AHI1: variants seen among roughly 807,000 people sequenced by gnomAD.
The protein encoded by AHI1 is Abelson helper integration site 1, also known as jouberin.
In AHI1, 123 loss-of-function variants were observed where a neutral mutation model predicts 149.3. That is an observed-to-expected ratio of 0.82 (90% confidence interval 0.71 to 0.96). AHI1 has a LOEUF of 0.96. Ranked by LOEUF, AHI1 falls within the 40% of genes least tolerant of loss-of-function variation. The probability of loss-of-function intolerance (pLI) is 0.00; values close to 1 mark genes in which losing one functional copy is unlikely to be tolerated. For synonymous variants in AHI1, 475 were observed against 459.8 expected, an observed-to-expected ratio of 1.03 and a Z score of -0.42; for missense variants, 1,439 against 1,422.7, an observed-to-expected ratio of 1.01 and a Z score of -0.18.
chr6:135,359,297 A>G (rs910958050), intron 23 of AHI1, among the ~76,000 whole-genome samples: 2 of 152,214 alleles, frequency 1.3e-5, no homozygotes, highest in Non-Finnish European at 2.9e-5. Flanking sequence ...TTGAGTGGTT[A>G]TTCTTGGTAC....
intron 7 of AHI1, among the ~76,000 whole-genome samples, chr6:135,465,382 C>A (rs1391671785): frequency 1.3e-5 from 2 of 152,038 alleles, no homozygotes; most frequent in African/African-American, 4.8e-5. Flanking sequence ...AGTTTTTCTA[C>A]AATGAGCTAA....
At chr6:135,310,131 T>G (rs575363619) in intron 26 of AHI1, among the ~76,000 whole-genome samples, 1 of 152,320 alleles carries the variant, frequency 6.6e-6, no homozygotes, top group African/African-American at 2.4e-5. Context: ...AACAAAAATC[T>G]GCACTGTCTA....
intron 5 of AHI1, among the ~76,000 whole-genome samples, chr6:135,488,619 T>G (rs1045222279): frequency 3.3e-5 from 5 of 152,184 alleles, no homozygotes; most frequent in Non-Finnish European, 5.9e-5. Context: ...TAACATGAGA[T>G]TTAGAAATAA....
chr6:135,490,511 G>A, intron 5 of AHI1, 112 bp downstream of exon 5: 1 of 1,227,100 alleles, frequency 8.1e-7, no homozygotes, highest in Non-Finnish European at 1.2e-6. Flanking sequence ...CCATGACATA[G>A]TGTTACTGTT....
intron 28 of AHI1, among the ~76,000 whole-genome samples, chr6:135,288,970 A>C (rs1361739824): frequency 6.6e-6 from 1 of 152,060 alleles, no homozygotes; most frequent in East Asian, 1.9e-4. Context: ...TATGTATCAT[A>C]AGTTTGAAAC....
intron 23 of AHI1, among the ~76,000 whole-genome samples, chr6:135,363,838 G>A (rs1351762283): frequency 2.0e-5 from 3 of 149,880 alleles, no homozygotes; most frequent in Non-Finnish European, 4.5e-5. Flanking sequence ...CAGTAGGCGC[G>A]GCCGGGCAGA....
chr6:135,497,127 T>C (rs1364749048), intron 2 of AHI1, 61 bp downstream of exon 2: 3 of 152,212 alleles, frequency 2.0e-5, no homozygotes, highest in African/African-American at 7.2e-5. Flanking sequence ...TCTATTTTTA[T>C]GCATCTCGAA....
At chr6:135,370,224 C>A (rs916807062) in intron 23 of AHI1, among the ~76,000 whole-genome samples, 2 of 146,188 alleles carry the variant, frequency 1.4e-5, no homozygotes, top group Non-Finnish European at 3.0e-5. Flanking sequence ...CAGGAGCTGA[C>A]TTGGGTTGGG....
intron 23 of AHI1, among the ~76,000 whole-genome samples, chr6:135,379,933 C>G (rs1776457773): frequency 7.5e-6 from 1 of 134,062 alleles, no homozygotes; most frequent in Admixed American, 7.3e-5. Context: ...CCCTCCCTCC[C>G]CCAACTCCCT....
intron 24 of AHI1, 72 bp from the exon 25 acceptor site, chr6:135,323,396 C>A: frequency 6.6e-7 from 1 of 1,513,720 alleles, no homozygotes; most frequent in South Asian, 1.2e-5. Flanking sequence ...CATTCACTTC[C>A]TCTTGCAGAA....
intron 24 of AHI1, among the ~76,000 whole-genome samples, chr6:135,336,368 T>C (rs1789386366): frequency 6.6e-6 from 1 of 151,918 alleles, no homozygotes; most frequent in African/African-American, 2.4e-5. Context: ...GAGGCTGAGG[T>C]GGGCGGATCG....
At chr6:135,489,350 TC>T (rs1794922552) in intron 5 of AHI1, among the ~76,000 whole-genome samples, 1 of 152,172 alleles carries the variant, frequency 6.6e-6, no homozygotes, top group Non-Finnish European at 1.5e-5. Flanking sequence ...ATTCTGATTA[TC>T]CATTTAATTT....
At chr6:135,437,478 C>G (rs900754959) in intron 15 of AHI1, among the ~76,000 whole-genome samples, 8 of 152,168 alleles carry the variant, frequency 5.3e-5, no homozygotes, top group Non-Finnish European at 2.9e-5. Context: ...TCAATTGTTA[C>G]TAATTCTCAT....
intron 8 of AHI1, among the ~76,000 whole-genome samples, chr6:135,458,041 T>C (rs544701081): frequency 6.6e-6 from 1 of 152,338 alleles, no homozygotes; most frequent in African/African-American, 2.4e-5. Context: ...AACTAGAATT[T>C]CTAATTCTGG....
At chr6:135,357,441 C>T (rs562926939) in intron 24 of AHI1, among the ~76,000 whole-genome samples, 1 of 152,098 alleles carries the variant, frequency 6.6e-6, no homozygotes, top group Non-Finnish European at 1.5e-5. Context: ...GACCAAAATC[C>T]AAAACACTTC....
At chr6:135,380,754 G>T (rs1776647863) in intron 23 of AHI1, among the ~76,000 whole-genome samples, 1 of 52,448 alleles carries the variant, frequency 1.9e-5, no homozygotes, top group Admixed American at 2.6e-4. Context: ...CAAAAAAAAA[G>T]TACAAAGTTA....
At chr6:135,419,784 C>T (rs1036678613) in intron 20 of AHI1, among the ~76,000 whole-genome samples, 2 of 152,022 alleles carry the variant, frequency 1.3e-5, no homozygotes, top group Admixed American at 6.6e-5. Context: ...AAATTTGCTG[C>T]ACTGATTGGC....
In AHI1 at chr6:135,284,283, C is replaced by T. The variant is rs1039673847; in HGVS notation, c.*1362G>A. 2.0e-5 allele frequency: 3 copies of T among 152,122 alleles called. No homozygotes were observed. Among genetic ancestry groups the T allele is most frequent in the East Asian group, 1.9e-4 (1 of 5,188 alleles). The allele number at this position is 152,122 out of a possible 1,614,324, so 9.4% of individuals were successfully genotyped here. A position where few individuals can be genotyped will look rare whatever the true frequency, so the allele number is the denominator to read the frequency against. ...GCCTCTACATGTGCAGGGATAAGAG[C>T]CAAATATATTTTTATTAGAAGATAT... On this transcript the variant is annotated 3_prime_UTR_variant, in exon 29 of 29. Transcript: ENST00000265602.
At chr6:135,331,967 C>T (rs561140151) in intron 24 of AHI1, among the ~76,000 whole-genome samples, 29 of 152,196 alleles carry the variant, frequency 1.9e-4, no homozygotes, top group African/African-American at 7.0e-4. Context: ...AACTAATAGA[C>T]ACGATTTTTA....
Sources: gnomAD v4.1 joint callset for allele counts (sites outside exome capture counted in the v4.1 genomes callset) on GRCh38, gnomAD v4.1.1 for gene constraint, MANE v1.5 for transcripts, NCBI Gene and HGNC (gene_info 2026-07-23, HGNC 2026-07-21) for gene names.